CTNNA2: variants seen among roughly 807,000 people sequenced by gnomAD.
CTNNA2 encodes the protein catenin alpha 2.
In CTNNA2, 42 loss-of-function variants were observed where a neutral mutation model predicts 101.0. That is an observed-to-expected ratio of 0.42 (90% confidence interval 0.32 to 0.54). The LOEUF (loss-of-function observed/expected upper bound fraction) is 0.54, where lower values mean the gene tolerates loss of function less well. Ranked by LOEUF, CTNNA2 falls within the 20% of genes least tolerant of loss-of-function variation. The probability of loss-of-function intolerance (pLI) is 0.14; values close to 1 mark genes in which losing one functional copy is unlikely to be tolerated. For synonymous variants in CTNNA2, 450 were observed against 456.4 expected (o/e 0.99, Z 0.18); for missense variants, 871 against 1,223.1 (o/e 0.71, Z 4.29).
At chr2:79,718,176 T>C (rs925102888) in intron 2 of CTNNA2, among the ~76,000 whole-genome samples, 1 of 152,186 alleles carries the variant, frequency 6.6e-6, no homozygotes, top group Non-Finnish European at 1.5e-5. Context: ...CATACTCTGA[T>C]TTCCTCTTTG....
intron 7 of CTNNA2, among the ~76,000 whole-genome samples, chr2:79,925,288 G>A (rs1048912136): frequency 6.6e-6 from 1 of 151,968 alleles, no homozygotes; most frequent in African/African-American, 2.4e-5. Context: ...TTAGGTATGT[G>A]ACCCAATGAT....
In CTNNA2 at chr2:80,018,805, G is replaced by T. The variant is rs376360364; in HGVS notation, c.1056+109008G>T. Among the ~76,000 whole-genome samples the T allele has an allele frequency of 4.6e-3, 704 of 151,512 alleles. 5 individuals are homozygous for T. Among genetic ancestry groups the T allele is most frequent in the African/African-American group, 0.016 (673 of 41,280 alleles). ...AAAAAAAAAAAAAAAAAAAAATTGGGACCTTTTGTTTTTTGGAGATCCAGT... is the reference window on the plus strand; with the variant it reads ...AAAAAAAAAAAAAAAAAAAAATTGGTACCTTTTGTTTTTTGGAGATCCAGT... On this transcript the variant is annotated intron_variant, in intron 7 of 18. Coordinates refer to ENST00000402739, the MANE Select transcript of CTNNA2 (RefSeq NM_001282597.3).
chr2:79,808,410 G>A (rs2105326071), intron 3 of CTNNA2, among the ~76,000 whole-genome samples: 1 of 152,232 alleles, frequency 6.6e-6, no homozygotes, highest in Non-Finnish European at 1.5e-5. Context: ...AAATGGTTGG[G>A]CTCTACTCAT....
At chr2:80,386,568 A>C (rs527241973) in intron 7 of CTNNA2, among the ~76,000 whole-genome samples, 5 of 152,082 alleles carry the variant, frequency 3.3e-5, no homozygotes, top group Non-Finnish European at 1.5e-5. Flanking sequence ...TCAATAGATA[A>C]TTTTTTCTTC....
chr2:80,429,396 A>T (rs1385785692), intron 9 of CTNNA2, among the ~76,000 whole-genome samples: 1 of 152,194 alleles, frequency 6.6e-6, no homozygotes, highest in South Asian at 2.1e-4. Flanking sequence ...ATAGCTAGAA[A>T]GAGGCAGAAT....
intron 4 of CTNNA2, among the ~76,000 whole-genome samples, chr2:79,420,371 C>T (rs1470546063): frequency 1.3e-5 from 2 of 152,046 alleles, no homozygotes; most frequent in Admixed American, 6.6e-5. Context: ...TGTGCAAAAT[C>T]CTGTCTTAGG....
intron 7 of CTNNA2, among the ~76,000 whole-genome samples, chr2:80,153,685 G>A (rs1473761264): frequency 6.6e-6 from 1 of 152,132 alleles, no homozygotes; most frequent in Non-Finnish European, 1.5e-5. Context: ...ATGATGTTGG[G>A]AGCATGGAGA....
chr2:79,880,165 A>G (rs1428456172), intron 6 of CTNNA2, among the ~76,000 whole-genome samples: 2 of 152,176 alleles, frequency 1.3e-5, no homozygotes, highest in Non-Finnish European at 2.9e-5. Context: ...CCAGGGATGA[A>G]GCTGACTTGG....
chr2:79,273,712 T>C (rs957516539), intron 2 of CTNNA2, among the ~76,000 whole-genome samples: 11 of 152,094 alleles, frequency 7.2e-5, no homozygotes, highest in Non-Finnish European at 1.3e-4. Context: ...ACAGTTTTTA[T>C]ATTTTATTTT....
At chr2:79,893,396 A>G (rs1684443082) in intron 6 of CTNNA2, among the ~76,000 whole-genome samples, 1 of 152,120 alleles carries the variant, frequency 6.6e-6, no homozygotes, top group African/African-American at 2.4e-5. Context: ...GGTTCTTGTG[A>G]GGTTTTCAAG....
intron 7 of CTNNA2, among the ~76,000 whole-genome samples, chr2:80,137,431 T>A (rs1268833569): frequency 6.6e-6 from 1 of 152,072 alleles, no homozygotes; most frequent in Non-Finnish European, 1.5e-5. Context: ...ATGGGAACAT[T>A]TTGATAGGAG....
intron 7 of CTNNA2, among the ~76,000 whole-genome samples, chr2:80,282,817 A>G (rs1418751681): frequency 6.6e-6 from 1 of 152,158 alleles, no homozygotes; most frequent in Non-Finnish European, 1.5e-5. Context: ...CTAGATGAGT[A>G]GACCAGTATC....
intron 3 of CTNNA2, among the ~76,000 whole-genome samples, chr2:79,765,715 C>T (rs1177352522): frequency 2.0e-5 from 3 of 152,166 alleles, no homozygotes; most frequent in Non-Finnish European, 4.4e-5. Context: ...ACTTAATCCT[C>T]AAAGATAAAG....
intron 4 of CTNNA2, among the ~76,000 whole-genome samples, chr2:79,447,679 C>A (rs1316273299): frequency 1.3e-5 from 2 of 152,002 alleles, no homozygotes; most frequent in Non-Finnish European, 2.9e-5. Flanking sequence ...AGCTGGGTGA[C>A]CTCATCTGAA....
At chr2:79,988,893 G>T (rs1574482236) in intron 7 of CTNNA2, among the ~76,000 whole-genome samples, 1 of 152,292 alleles carries the variant, frequency 6.6e-6, no homozygotes, top group South Asian at 2.1e-4. Flanking sequence ...TTTAGAAAAA[G>T]TCTACTGTAA....
At chr2:79,958,795 G>T (rs1202697412) in intron 7 of CTNNA2, among the ~76,000 whole-genome samples, 4 of 151,186 alleles carry the variant, frequency 2.6e-5, no homozygotes, top group African/African-American at 7.3e-5. Context: ...CTTTTCATAA[G>T]ATTGGCCCTA....
At chr2:80,309,104 GA>G (rs1157905716) in intron 7 of CTNNA2, among the ~76,000 whole-genome samples, 1 of 150,310 alleles carries the variant, frequency 6.7e-6, no homozygotes. Flanking sequence ...AAGGAAAAAA[GA>G]AAAAAAAGAG....
At chr2:80,116,411 TTTTAGAA>T (rs1362825427) in intron 7 of CTNNA2, among the ~76,000 whole-genome samples, 1 of 151,500 alleles carries the variant, frequency 6.6e-6, no homozygotes, top group Non-Finnish European at 1.5e-5. Context: ...CACAATTAGA[TTTTAGAA>T]TTTAGAAAGA....
chr2:80,301,661 TC>T (rs1676321252), intron 7 of CTNNA2, among the ~76,000 whole-genome samples: 1 of 152,196 alleles, frequency 6.6e-6, no homozygotes, highest in Non-Finnish European at 1.5e-5. Context: ...TTTTTCTTTT[TC>T]TAGTCCTTAC....
Sources: gnomAD v4.1 joint callset for allele counts (sites outside exome capture counted in the v4.1 genomes callset) on GRCh38, gnomAD v4.1.1 for gene constraint, MANE v1.5 for transcripts, NCBI Gene and HGNC (gene_info 2026-07-23, HGNC 2026-07-21) for gene names.